The following ZNF532 variants were observed in gnomAD, a reference collection of about 807,000 sequenced individuals.
ZNF532 encodes the protein zinc finger protein 532.
In ZNF532, 22 loss-of-function variants were observed where a neutral mutation model predicts 89.3. The observed-to-expected ratio is 0.25, with a 90% CI of 0.18 to 0.35. The LOEUF (loss-of-function observed/expected upper bound fraction) is 0.35, where lower values mean the gene tolerates loss of function less well. ZNF532 is among the 10% of genes least tolerant of loss of function. The pLI, the probability that ZNF532 is intolerant of heterozygous loss-of-function variation, is 1.00. For synonymous variants in ZNF532, 606 were observed against 649.6 expected, an observed-to-expected ratio of 0.93 and a Z score of 1.02; for missense variants, 1,132 against 1,643.4, an observed-to-expected ratio of 0.69 and a Z score of 5.38.
chr18:58,873,415 G>A (rs142799714), intron 2 of ZNF532, among the ~76,000 whole-genome samples: 59 of 151,794 alleles, frequency 3.9e-4, no homozygotes, highest in Admixed American at 2.8e-3. Context: ...CGAGGTACTT[G>A]TTGAGAAGCT....
At chr18:58,897,794 A>C (rs949289513) in intron 2 of ZNF532, among the ~76,000 whole-genome samples, 13 of 152,164 alleles carry the variant, frequency 8.5e-5, no homozygotes, top group Admixed American at 8.5e-4. Context: ...CTTTACTAAA[A>C]ATATGAAAAT....
At chr18:58,982,522 T>G (rs969568118) in intron 9 of ZNF532, among the ~76,000 whole-genome samples, 6 of 151,742 alleles carry the variant, frequency 4.0e-5, no homozygotes, top group East Asian at 1.9e-4. Context: ...CTCAGGAGGC[T>G]GAGGCAGGAG....
chr18:58,981,873 G>A (rs141042375), intron 9 of ZNF532, among the ~76,000 whole-genome samples: 4,498 of 151,350 alleles, frequency 0.03, 238 homozygotes, highest in African/African-American at 0.1. Flanking sequence ...GCGTGGTGGC[G>A]GGCTCCTGTA....
At chr18:58,905,469 T>A (rs933882694) in intron 2 of ZNF532, among the ~76,000 whole-genome samples, 3 of 149,352 alleles carry the variant, frequency 2.0e-5, no homozygotes, top group Non-Finnish European at 4.4e-5. Flanking sequence ...GGCACAAACA[T>A]ACTCACTGCA....
At chr18:58,897,578 T>C (rs551709367) in intron 2 of ZNF532, among the ~76,000 whole-genome samples, 11 of 152,312 alleles carry the variant, frequency 7.2e-5, no homozygotes, top group African/African-American at 2.2e-4. Context: ...GGAAAAATGA[T>C]GAGTATATTT....
intron 2 of ZNF532, among the ~76,000 whole-genome samples, chr18:58,885,014 G>A (rs1346516287): frequency 6.8e-6 from 1 of 146,446 alleles, no homozygotes; most frequent in Non-Finnish European, 1.5e-5. Flanking sequence ...TTGAGATGGA[G>A]TTTCACTCTT....
At chr18:58,920,750 G>A in intron 3 of ZNF532, 117 bp downstream of exon 3, 4 of 472,846 alleles carry the variant, frequency 8.5e-6, no homozygotes, top group African/African-American at 2.8e-5. Flanking sequence ...GTGTGTGTGT[G>A]TGTGTGTGTG....
chr18:58,953,774 C>T lies in ZNF532; in HGVS notation c.3125C>T (p.Ser1042Phe), dbSNP rs2064463578. ...TTCATGCAGAGAGATGTGTACATAT[C>T]CCACGTGAGGAAGGAGCACGGGAAG... ...CLFMQRDVYI[S>F]HVRKEHGKQM... is the part of the protein sequence containing the mutation. The change falls in exon 7 of 10, where the codon TCC becomes TTC. Residue 1042 changes from serine (S) to phenylalanine (F), a missense_variant. Ser to Phe is a radical substitution (Grantham distance 155). This residue lies in a region of ZNF532 where 415 missense variants were observed against 604.8 expected (regional missense o/e 0.69). Transcript: ENST00000591808. The T allele has an allele frequency of 1.9e-6, 3 of 1,613,262 alleles. No homozygotes were observed. Among genetic ancestry groups the T allele is most frequent in the Non-Finnish European group, 2.5e-6 (3 of 1,179,332 alleles).
At position 58,953,513 on chromosome 18, in the gene ZNF532, T is replaced by A. The variant is rs199865560; in HGVS notation, c.2869-5T>A. On this transcript the variant is annotated splice_polypyrimidine_tract_variant and splice_region_variant and intron_variant, in intron 6 of 9. Coordinates refer to ENST00000591808, the MANE Select transcript of ZNF532 (RefSeq NM_001375912.1). ...ATAGATATTTCTTTTCTTTTTATAA[T>A]GTAGTCTATGCATGGAACATTGAAA... 1 of 1,597,836 alleles carries A rather than the reference T, an allele frequency of 6.3e-7. No homozygotes were observed. Among genetic ancestry groups the A allele is most frequent in the Non-Finnish European group, 8.5e-7 (1 of 1,173,426 alleles).
intron 2 of ZNF532, among the ~76,000 whole-genome samples, chr18:58,878,261 CAAAAA>C (rs1179294311): frequency 3.1e-5 from 4 of 128,566 alleles, no homozygotes; most frequent in African/African-American, 1.3e-4. Flanking sequence ...TCTCAAAAAA[CAAAAA>C]AAACAAAACG....
chr18:58,913,081 GA>G (rs1187583068), intron 2 of ZNF532, among the ~76,000 whole-genome samples: 1 of 152,232 alleles, frequency 6.6e-6, no homozygotes, highest in Non-Finnish European at 1.5e-5. Context: ...AGTCGAGATT[GA>G]AGTGGGATAA....
Position 58,984,389 on chromosome 18 carries a change from G to A in ZNF532, c.3829G>A (p.Ala1277Thr), listed in dbSNP as rs1026927114. 14 of 1,611,868 alleles carry A rather than the reference G, an allele frequency of 8.7e-6. No individual in the cohort carries two copies. The African/African-American group carries it at 1.7e-4, about 20-fold the overall frequency. The change falls in exon 10 of 10, where the codon GCT (alanine) becomes ACT (threonine). Residue 1277 changes from alanine to threonine, a missense_variant. Ala to Thr is a moderately conservative substitution (Grantham distance 58). Coordinates refer to ENST00000591808, the MANE Select transcript of ZNF532 (RefSeq NM_001375912.1). ...KVCAKTFETE[A>T]ALNTHMRTHG... is the part of the protein sequence containing the mutation. ...GTGCGCAAAAACTTTTGAAACTGAAGCTGCCTTAAATACTCACATGCGGAC... is the reference window on the plus strand; with the variant it reads ...GTGCGCAAAAACTTTTGAAACTGAAACTGCCTTAAATACTCACATGCGGAC...
At position 58,919,119 on chromosome 18, in the gene ZNF532, A is replaced by C; in HGVS notation, c.832A>C (p.Ser278Arg). The change falls in exon 3 of 10, where the codon AGC (serine) becomes CGC (arginine). Residue 278 changes from serine (S) to arginine (R), a missense_variant. Around this residue, in one of 9 missense-constraint regions of ZNF532, gnomAD observed 302 missense variants for 319.8 expected, o/e 0.94. Coordinates refer to ENST00000591808, the MANE Select transcript of ZNF532 (RefSeq NM_001375912.1). The surrounding 1 kb of genome is among the most constrained non-coding windows in gnomAD (Gnocchi z 6.1). The stretch of plus-strand genomic sequence containing the variant: ...CTGCATCGCTGCCATCGCGGCTCTC[A>C]GCGCTAAAAAGGCGGCTTCAGACTC... ...SSCIAAIAALSAKKAASDSCK... is the reference protein window; with the variant it reads ...SSCIAAIAALRAKKAASDSCK... 1.2e-6 allele frequency: 2 copies of C among 1,614,168 alleles called. No individual in the cohort carries two copies. The highest frequency in any genetic ancestry group is 8.5e-7 in the Non-Finnish European group (1 of 1,180,036).
In ZNF532 at chr18:58,940,963, T is replaced by TTCTC. The variant is rs140521782; in HGVS notation, c.2705+1367_2705+1370dup. Among the ~76,000 whole-genome samples the TTCTC allele has an allele frequency of 6.9e-3, 731 of 105,346 alleles. 5 individuals carry two copies. Among genetic ancestry groups the TTCTC allele is most frequent in the East Asian group, 0.017 (52 of 3,116 alleles). 69.1% of individuals were successfully genotyped at this position (105,346 alleles called of 152,430 possible). ...ACACACACACACACACACACACTCT[T>TTCTC]TCTCTCTCTCTCTCTCTCTCTCTCT... is the stretch of plus-strand genomic sequence containing the variant. On this transcript the variant is annotated intron_variant, in intron 5 of 9. Coordinates refer to ENST00000591808, the MANE Select transcript of ZNF532 (RefSeq NM_001375912.1).
chr18:58,876,330 C>G (rs2057429342), intron 2 of ZNF532, among the ~76,000 whole-genome samples: 1 of 152,146 alleles, frequency 6.6e-6, no homozygotes, highest in Non-Finnish European at 1.5e-5. Context: ...GCCATTGACC[C>G]TGCTGGTTCA....
chr18:58,963,602 AATG>A (rs2065578661), intron 7 of ZNF532, among the ~76,000 whole-genome samples: 3 of 125,116 alleles, frequency 2.4e-5, no homozygotes, highest in African/African-American at 9.7e-5. Context: ...AAAAGAAAAA[AATG>A]TGTGTGTGTG....
chr18:58,959,432 G>A (rs370646701), intron 7 of ZNF532, among the ~76,000 whole-genome samples: 1 of 151,986 alleles, frequency 6.6e-6, no homozygotes, highest in East Asian at 1.9e-4. Flanking sequence ...GCTAATTTTT[G>A]TGTTTTTATA....
At chr18:58,973,155 TG>T (rs1484237287) in intron 7 of ZNF532, among the ~76,000 whole-genome samples, 11 of 152,264 alleles carry the variant, frequency 7.2e-5, no homozygotes, top group Admixed American at 5.2e-4. Flanking sequence ...CAGGCTGGAA[TG>T]CAGTGGCACT....
intron 7 of ZNF532, among the ~76,000 whole-genome samples, chr18:58,957,912 A>G (rs1046978531): frequency 7.2e-5 from 11 of 152,058 alleles, no homozygotes; most frequent in Non-Finnish European, 1.6e-4. Context: ...TAAAAGTACA[A>G]AAATGAGCTG....
Sources: allele counts gnomAD v4.1 joint callset (sites outside exome capture counted in the v4.1 genomes callset), GRCh38; gene constraint gnomAD v4.1.1; regional missense constraint gnomAD v4.1.1; non-coding constraint Gnocchi (gnomAD v3.1); transcripts MANE v1.5; gene names NCBI Gene and HGNC (gene_info 2026-07-23, HGNC 2026-07-21).